Variants in SBSPON observed in about 807,000 individuals in gnomAD.
The protein encoded by SBSPON is somatomedin-B and thrombospondin type-1 domain-containing protein.
In SBSPON, 30 loss-of-function variants were observed where a neutral mutation model predicts 35.8. That is an observed-to-expected ratio of 0.84 (90% confidence interval 0.63 to 1.14). The LOEUF (loss-of-function observed/expected upper bound fraction) is 1.14, where lower values mean the gene tolerates loss of function less well. Ranked by LOEUF, SBSPON falls within the 50% of genes most tolerant of loss-of-function variation. The pLI is 0.00. For synonymous variants in SBSPON, 136 were observed against 135.9 expected (o/e 1.00, Z 0.00); for missense variants, 364 against 357.7 (o/e 1.02, Z -0.14).
chr8:73,075,981 A>C (rs533197650), intron 2 of SBSPON, among the ~76,000 whole-genome samples: 30 of 152,234 alleles, frequency 2.0e-4, no homozygotes, highest in Non-Finnish European at 4.0e-4. Flanking sequence ...CTCAGTCATT[A>C]ATAAGAGAGC....
rs57178636 is a variant in SBSPON, at chr8:73,084,749, GACACACACACACACAC to G, written c.215-3552_215-3537del. On this transcript the variant is annotated intron_variant, in intron 1 of 4. Transcript: ENST00000297354. ...AGTCTTCGCCTAGCCCCACTACACA[GACACACACACACACAC>G]ACACACACACACACACACACACACA... is the stretch of plus-strand genomic sequence containing the variant. Among the ~76,000 whole-genome samples the G allele has an allele frequency of 3.8e-3, 515 of 134,428 alleles. 3 individuals are homozygous for G. The highest frequency in any genetic ancestry group is 0.011 in the Middle Eastern group (3 of 262). 88.2% of individuals were successfully genotyped at this position (134,428 alleles called of 152,430 possible). A position where few individuals can be genotyped will look rare whatever the true frequency, so the allele number is the denominator to read the frequency against.
At chr8:73,076,678 C>T (rs911860139) in intron 2 of SBSPON, among the ~76,000 whole-genome samples, 7 of 151,014 alleles carry the variant, frequency 4.6e-5, no homozygotes, top group African/African-American at 7.3e-5. Context: ...GATGTGGCAA[C>T]GGAAGAAAGG....
chr8:73,064,630 CCAAA>C lies in SBSPON; in HGVS notation c.*2707_*2710del, dbSNP rs1366083616. The C allele has an allele frequency of 6.6e-6, 1 of 152,162 alleles. No individual in the cohort carries two copies. Among genetic ancestry groups the C allele is most frequent in the African/African-American group, 2.4e-5 (1 of 41,438 alleles). 9.4% of individuals were successfully genotyped at this position (152,162 alleles called of 1,614,324 possible). On this transcript the variant is annotated 3_prime_UTR_variant, in exon 5 of 5. Coordinates refer to ENST00000297354, the MANE Select transcript of SBSPON (RefSeq NM_153225.4). ...CTGAAATTTTTATGCCAGATGATAA[CCAAA>C]CACTTTAAATTATTGCTGTTGCGGT...
chr8:73,088,514 C>G (rs1183221498), intron 1 of SBSPON, among the ~76,000 whole-genome samples: 5 of 152,108 alleles, frequency 3.3e-5, no homozygotes, highest in African/African-American at 1.2e-4. Context: ...GAAACTTCGT[C>G]TCCACAAAAA....
intron 1 of SBSPON, among the ~76,000 whole-genome samples, chr8:73,089,872 C>T (rs2130044663): frequency 6.6e-6 from 1 of 152,218 alleles, no homozygotes; most frequent in African/African-American, 2.4e-5. Context: ...GTTTCATCTC[C>T]CCTGCCCCTA....
chr8:73,076,804 C>T (rs1003433376), intron 2 of SBSPON, among the ~76,000 whole-genome samples: 1 of 152,160 alleles, frequency 6.6e-6, no homozygotes, highest in Non-Finnish European at 1.5e-5. Context: ...CCCCTAGAGC[C>T]TCCAGAAAGG....
At chr8:73,069,764 T>A in intron 4 of SBSPON, 41 bp downstream of exon 4, 1 of 1,534,120 alleles carries the variant, frequency 6.5e-7, no homozygotes, top group Non-Finnish European at 9.0e-7. Flanking sequence ...TTTCTCAGAA[T>A]GAGTGACAAG....
intron 1 of SBSPON, among the ~76,000 whole-genome samples, chr8:73,089,685 T>C (rs1006641119): frequency 7.9e-5 from 12 of 152,198 alleles, no homozygotes; most frequent in African/African-American, 2.9e-4. Context: ...TAGCAATATG[T>C]TGTCAGAAAA....
intron 3 of SBSPON, among the ~76,000 whole-genome samples, chr8:73,070,264 GTCTAA>G (rs1186496225): frequency 2.6e-5 from 4 of 152,170 alleles, no homozygotes; most frequent in African/African-American, 9.7e-5. Flanking sequence ...CCTGTATCCT[GTCTAA>G]TCAGATCACT....
chr8:73,071,697 C>T, intron 3 of SBSPON, 83 bp downstream of exon 3: 1 of 784,748 alleles, frequency 1.3e-6, no homozygotes. Context: ...AAGAAGAAAA[C>T]ATAAACCAAG....
intron 3 of SBSPON, among the ~76,000 whole-genome samples, chr8:73,070,646 C>T (rs1380620248): frequency 6.6e-6 from 1 of 152,206 alleles, no homozygotes; most frequent in African/African-American, 2.4e-5. Flanking sequence ...CTGCGGAAAA[C>T]TCTAACATTA....
At chr8:73,077,911 A>G (rs919828957) in intron 2 of SBSPON, among the ~76,000 whole-genome samples, 7 of 152,236 alleles carry the variant, frequency 4.6e-5, no homozygotes, top group African/African-American at 1.7e-4. Context: ...AAGGCTCTGA[A>G]AAGTTCTTTG....
Position 73,071,827 on chromosome 8 carries a change from T to C in SBSPON, c.453A>G (p.Thr151=). ...ITTSAFNKER[T]RQATSPHWST... is the part of the protein sequence containing the mutation. ...ACCAGTGTGGAGACGTAGCTTGTCGTGTTCTCTCCTTGTTGAATGCAGAGG... is the reference window on the plus strand; with the variant it reads ...ACCAGTGTGGAGACGTAGCTTGTCGCGTTCTCTCCTTGTTGAATGCAGAGG... The change falls in exon 3 of 5, where the codon ACA becomes ACG. Residue 151 remains threonine, a synonymous_variant. Coordinates refer to ENST00000297354, the MANE Select transcript of SBSPON (RefSeq NM_153225.4). 4 of 1,610,962 alleles carry C rather than the reference T, an allele frequency of 2.5e-6. No individual in the cohort carries two copies. The highest frequency in any genetic ancestry group is 3.4e-6 in the Non-Finnish European group (4 of 1,178,136).
intron 1 of SBSPON, among the ~76,000 whole-genome samples, chr8:73,083,469 T>C (rs918797962): frequency 2.6e-5 from 4 of 152,228 alleles, no homozygotes; most frequent in African/African-American, 4.8e-5. Context: ...GCTTGTGAAC[T>C]TTTGATTATT....
At chr8:73,089,734 C>T (rs951593319) in intron 1 of SBSPON, among the ~76,000 whole-genome samples, 7 of 152,210 alleles carry the variant, frequency 4.6e-5, no homozygotes, top group Admixed American at 2.6e-4. Flanking sequence ...ATATTCTCCG[C>T]TGTCGACCAG....
intron 1 of SBSPON, among the ~76,000 whole-genome samples, chr8:73,086,762 A>G (rs2130036797): frequency 6.6e-6 from 1 of 152,348 alleles, no homozygotes; most frequent in East Asian, 1.9e-4. Flanking sequence ...AGAAAAAAAG[A>G]TATGAATAAA....
intron 2 of SBSPON, chr8:73,075,552 C>G (rs1420847946): frequency 3.9e-5 from 6 of 152,438 alleles, no homozygotes; most frequent in African/African-American, 1.4e-4. Flanking sequence ...TCTTTGTTCA[C>G]AGGCGATTTG....
intron 1 of SBSPON, among the ~76,000 whole-genome samples, chr8:73,086,256 G>A (rs1810823621): frequency 6.6e-6 from 1 of 151,926 alleles, no homozygotes; most frequent in African/African-American, 2.4e-5. Flanking sequence ...CGCCTCCTGA[G>A]TTCAAGAGAT....
chr8:73,067,201 A>G lies in SBSPON; in HGVS notation c.*140T>C. The G allele has an allele frequency of 1.9e-6, 1 of 538,960 alleles. No homozygotes were observed. The highest frequency in any genetic ancestry group is 2.9e-5 in the East Asian group (1 of 34,542). 33.4% of individuals were successfully genotyped at this position (538,960 alleles called of 1,614,324 possible). A position where few individuals can be genotyped will look rare whatever the true frequency, so the allele number is the denominator to read the frequency against. On this transcript the variant is annotated 3_prime_UTR_variant, in exon 5 of 5. Coordinates refer to ENST00000297354, the MANE Select transcript of SBSPON (RefSeq NM_153225.4). ...TGTGTTCCTTGAGAACTGGCCCCTA[A>G]ATTTTCTTTCTCTACTTCAGAGTGT...
Sources: allele counts gnomAD v4.1 joint callset (sites outside exome capture counted in the v4.1 genomes callset), GRCh38; gene constraint gnomAD v4.1.1; transcripts MANE v1.5; gene names NCBI Gene and HGNC (gene_info 2026-07-23, HGNC 2026-07-21).